Variants in ADCY9 observed in about 807,000 individuals in gnomAD.
ADCY9 encodes the protein adenylate cyclase type 9.
ADCY9 carries 50 observed loss-of-function variants against 101.5 expected under a neutral mutation model. That is an observed-to-expected ratio of 0.49 (90% CI 0.39 to 0.62). ADCY9 has a LOEUF of 0.62. Among genes scored for constraint, ADCY9 ranks in the 20% least tolerant of loss-of-function variants. The pLI is 0.00. For synonymous variants in ADCY9, 905 were observed against 769.3 expected (o/e 1.18, Z -2.92); for missense variants, 1,662 against 1,800.4 (o/e 0.92, Z 1.39).
chr16:4,054,200 T>C (rs1032081931), intron 2 of ADCY9: 3 of 152,140 alleles, frequency 2.0e-5, no homozygotes, highest in Non-Finnish European at 4.4e-5. Flanking sequence ...TGCATACTTG[T>C]GGAATTAATT....
intron 3 of ADCY9, among the ~76,000 whole-genome samples, chr16:3,999,775 G>C (rs1001154862): frequency 6.6e-6 from 1 of 152,242 alleles, no homozygotes; most frequent in Non-Finnish European, 1.5e-5. Flanking sequence ...TTGGAGGGAA[G>C]AGTGTAGCCA....
chr16:4,080,429 C>T (rs889664760), intron 2 of ADCY9, among the ~76,000 whole-genome samples: 2 of 151,862 alleles, frequency 1.3e-5, no homozygotes, highest in Non-Finnish European at 2.9e-5. Context: ...TATATATATA[C>T]ATTTTTTGAT....
chr16:3,985,326 G>C (rs1469639205), intron 6 of ADCY9, among the ~76,000 whole-genome samples: 1 of 152,058 alleles, frequency 6.6e-6, no homozygotes, highest in South Asian at 2.1e-4. Flanking sequence ...GATTAGTAGA[G>C]ATGGGATTTC....
intron 3 of ADCY9, among the ~76,000 whole-genome samples, chr16:4,003,739 T>C (rs2056347899): frequency 6.6e-6 from 1 of 152,052 alleles, no homozygotes; most frequent in Admixed American, 6.5e-5. Flanking sequence ...TGCAGTTTCT[T>C]CACAGTCGCA....
chr16:4,113,150 A>C lies in ADCY9; in HGVS notation c.1693+600T>G, dbSNP rs1289689608. 2.0e-5 allele frequency among the ~76,000 whole-genome samples: 3 copies of C among 151,780 alleles called. No homozygotes were observed. In the East Asian group the frequency reaches 5.8e-4, roughly 29 times the overall value. The stretch of plus-strand genomic sequence containing the variant: ...TATCCTTAAACAAATGATGGCTGAA[A>C]GCTGAAAATGCAAACTTTTTTTAAA... On this transcript the variant is annotated intron_variant, in intron 2 of 10. Coordinates refer to ENST00000294016, the MANE Select transcript of ADCY9 (RefSeq NM_001116.4).
intron 3 of ADCY9, among the ~76,000 whole-genome samples, chr16:3,999,509 C>T (rs2056315362): frequency 6.6e-6 from 1 of 151,796 alleles, no homozygotes; most frequent in Non-Finnish European, 1.5e-5. Context: ...TGGCACCTTG[C>T]TCTCCTGGGC....
chr16:3,995,614 T>C (rs1291187074), intron 3 of ADCY9, among the ~76,000 whole-genome samples: 2 of 152,002 alleles, frequency 1.3e-5, no homozygotes. Flanking sequence ...TTTTTTTTTT[T>C]TTTTGGACTC....
chr16:4,108,644 T>C (rs981101026), intron 2 of ADCY9, among the ~76,000 whole-genome samples: 1 of 151,064 alleles, frequency 6.6e-6, no homozygotes, highest in Admixed American at 6.6e-5. Context: ...AGTGCTGGGA[T>C]TACAGGCATG....
intron 2 of ADCY9, among the ~76,000 whole-genome samples, chr16:4,105,710 T>C (rs920253510): frequency 4.1e-5 from 6 of 146,376 alleles, no homozygotes; most frequent in Non-Finnish European, 9.0e-5. Context: ...TAGTTGGATG[T>C]GGTGGCATGC....
intron 2 of ADCY9, among the ~76,000 whole-genome samples, chr16:4,056,010 C>T (rs1433056420): frequency 6.6e-6 from 1 of 152,090 alleles, no homozygotes; most frequent in African/African-American, 2.4e-5. Context: ...GAAGCCACTT[C>T]CTTAGCTCCC....
At chr16:3,993,581 C>T in intron 3 of ADCY9, 71 bp from the exon 4 acceptor site, 10 of 1,575,300 alleles carry the variant, frequency 6.3e-6, no homozygotes, top group Non-Finnish European at 7.8e-6. Context: ...CAGGCAGGTC[C>T]GCTGTTGCCA....
At chr16:4,104,173 G>A (rs568338099) in intron 2 of ADCY9, among the ~76,000 whole-genome samples, 70 of 152,196 alleles carry the variant, frequency 4.6e-4, no homozygotes, top group Non-Finnish European at 7.6e-4. Context: ...AGTATTTGCC[G>A]CCAATGATAA....
intron 10 of ADCY9, among the ~76,000 whole-genome samples, chr16:3,968,117 G>T (rs568493831): frequency 6.6e-6 from 1 of 152,066 alleles, no homozygotes; most frequent in African/African-American, 2.4e-5. Flanking sequence ...TCATACCCAA[G>T]AAATTTAACA....
At chr16:3,976,086 G>C (rs937028986) in intron 9 of ADCY9, among the ~76,000 whole-genome samples, 19 of 152,148 alleles carry the variant, frequency 1.2e-4, no homozygotes, top group African/African-American at 4.3e-4. Flanking sequence ...CCGCCTCCCA[G>C]GGTCAACCAA....
intron 2 of ADCY9, among the ~76,000 whole-genome samples, chr16:4,010,037 AT>A (rs1275399525): frequency 6.6e-6 from 1 of 152,320 alleles, no homozygotes; most frequent in East Asian, 1.9e-4. Context: ...GAGGAGGGAC[AT>A]TTTTTTGATG....
chr16:3,975,357 T>G (rs1389632195), intron 9 of ADCY9, among the ~76,000 whole-genome samples: 1 of 152,192 alleles, frequency 6.6e-6, no homozygotes, highest in African/African-American at 2.4e-5. Flanking sequence ...AATTCCCTTT[T>G]TGATCTTAAT....
At chr16:4,025,375 CAAA>C (rs367980802) in intron 2 of ADCY9, among the ~76,000 whole-genome samples, 1 of 130,380 alleles carries the variant, frequency 7.7e-6, no homozygotes, top group Non-Finnish European at 1.6e-5. Flanking sequence ...ACTCTGTCTC[CAAA>C]AAAAAAAAAA....
At chr16:3,991,518 T>C (rs1179150198) in intron 5 of ADCY9, among the ~76,000 whole-genome samples, 1 of 152,054 alleles carries the variant, frequency 6.6e-6, no homozygotes, top group Admixed American at 6.5e-5. Context: ...CCCAGCACTT[T>C]AGGAGGCCGA....
At chr16:4,040,583 A>G (rs2056620211) in intron 2 of ADCY9, among the ~76,000 whole-genome samples, 1 of 151,782 alleles carries the variant, frequency 6.6e-6, no homozygotes, top group South Asian at 2.1e-4. Context: ...CGGCCTCCCG[A>G]GTAGCTAGGA....
Sources: allele counts gnomAD v4.1 joint callset (sites outside exome capture counted in the v4.1 genomes callset), GRCh38; gene constraint gnomAD v4.1.1; transcripts MANE v1.5; gene names NCBI Gene and HGNC (gene_info 2026-07-23, HGNC 2026-07-21).